CACNB2: variants seen among roughly 807,000 people sequenced by gnomAD.
CACNB2 encodes voltage-dependent L-type calcium channel subunit beta-2.
A neutral mutation model predicts 73.3 loss-of-function variants in CACNB2; 42 were observed. That is an observed-to-expected ratio of 0.57 (90% confidence interval 0.45 to 0.74). The LOEUF (loss-of-function observed/expected upper bound fraction) is 0.74, where lower values mean the gene tolerates loss of function less well. CACNB2 is among the 30% of genes least tolerant of loss of function. The pLI is 0.00. For missense variants in CACNB2, 940 were observed against 853.0 expected (o/e 1.10, Z -1.27); for synonymous variants, 348 against 310.3 (o/e 1.12, Z -1.28).
intron 2 of CACNB2, among the ~76,000 whole-genome samples, chr10:18,266,689 G>C (rs2037818165): frequency 2.0e-5 from 3 of 152,128 alleles, no homozygotes; most frequent in Non-Finnish European, 4.4e-5. Context: ...AGGAGTTCAG[G>C]ACCAGCCTGG....
At chr10:18,238,962 A>G (rs2036549421) in intron 2 of CACNB2, among the ~76,000 whole-genome samples, 1 of 152,186 alleles carries the variant, frequency 6.6e-6, no homozygotes. Context: ...TACAGAGGCG[A>G]TGTGAACCCT....
At chr10:18,449,434 G>A (rs2046909055) in intron 3 of CACNB2, among the ~76,000 whole-genome samples, 1 of 152,096 alleles carries the variant, frequency 6.6e-6, no homozygotes. Flanking sequence ...GAGAACTCCA[G>A]TTCTACCTCT....
At chr10:18,468,479 A>G (rs1422978304) in intron 3 of CACNB2, among the ~76,000 whole-genome samples, 1 of 152,166 alleles carries the variant, frequency 6.6e-6, no homozygotes, top group African/African-American at 2.4e-5. Flanking sequence ...TAAAAACAAA[A>G]CAAACAGACA....
chr10:18,145,585 G>A (rs2030881957), intron 1 of CACNB2, among the ~76,000 whole-genome samples: 1 of 151,970 alleles, frequency 6.6e-6, no homozygotes, highest in Admixed American at 6.5e-5. Flanking sequence ...CAATTTACCT[G>A]TTGCTGTATT....
At chr10:18,436,855 C>T (rs1006168489) in intron 3 of CACNB2, among the ~76,000 whole-genome samples, 2 of 152,092 alleles carry the variant, frequency 1.3e-5, no homozygotes, top group Non-Finnish European at 2.9e-5. Context: ...TAAGATGAGG[C>T]TTTTTTCCCC....
At chr10:18,163,231 A>T (rs2032602373) in intron 2 of CACNB2, among the ~76,000 whole-genome samples, 1 of 152,212 alleles carries the variant, frequency 6.6e-6, no homozygotes, top group East Asian at 1.9e-4. Context: ...ACTCAGTGAG[A>T]TGGATGATGT....
At chr10:18,350,100 C>T (rs888980808) in intron 2 of CACNB2, among the ~76,000 whole-genome samples, 1 of 151,948 alleles carries the variant, frequency 6.6e-6, no homozygotes, top group East Asian at 1.9e-4. Context: ...AAAAAATTAG[C>T]CAGGCATGGT....
intron 2 of CACNB2, among the ~76,000 whole-genome samples, chr10:18,168,010 G>A (rs1258515538): frequency 6.6e-6 from 1 of 152,152 alleles, no homozygotes; most frequent in Admixed American, 6.5e-5. Context: ...AGCCACTTAG[G>A]ATAGAAACCT....
chr10:18,260,693 G>A, intron 2 of CACNB2: 2 of 991,992 alleles, frequency 2.0e-6, no homozygotes, highest in Non-Finnish European at 2.4e-6. Flanking sequence ...AGAGGTAACA[G>A]TGAATCCAGG....
intron 2 of CACNB2, among the ~76,000 whole-genome samples, chr10:18,242,885 C>T (rs992852723): frequency 1.3e-5 from 2 of 150,694 alleles, no homozygotes; most frequent in African/African-American, 2.4e-5. Context: ...TGGTGGGCAC[C>T]TGTAGTCCCA....
At chr10:18,257,781 T>A (rs951801489) in intron 2 of CACNB2, among the ~76,000 whole-genome samples, 2 of 152,202 alleles carry the variant, frequency 1.3e-5, no homozygotes, top group Non-Finnish European at 2.9e-5. Flanking sequence ...TTTCCGTCTG[T>A]CACCCAGGCT....
intron 2 of CACNB2, among the ~76,000 whole-genome samples, chr10:18,341,762 C>G (rs2041242806): frequency 6.6e-6 from 1 of 152,058 alleles, no homozygotes; most frequent in African/African-American, 2.4e-5. Flanking sequence ...CCAACCTATA[C>G]TAAATTTAGT....
intron 2 of CACNB2, among the ~76,000 whole-genome samples, chr10:18,277,167 G>T (rs147438846): frequency 2.6e-4 from 39 of 152,288 alleles, no homozygotes; most frequent in African/African-American, 9.1e-4. Context: ...TCTGAGTAAA[G>T]AATCCCGTGA....
intron 2 of CACNB2, among the ~76,000 whole-genome samples, chr10:18,294,684 A>C (rs960369137): frequency 6.6e-6 from 1 of 152,240 alleles, no homozygotes; most frequent in Non-Finnish European, 1.5e-5. Flanking sequence ...GTGGGACTCA[A>C]GCATTCCCTG....
chr10:18,413,381 C>T (rs1310435763), intron 3 of CACNB2, among the ~76,000 whole-genome samples: 1 of 152,194 alleles, frequency 6.6e-6, no homozygotes, highest in Non-Finnish European at 1.5e-5. Context: ...TTCTCTCATA[C>T]TTCTCCAGGC....
At chr10:18,502,412 C>T (rs991905537) in intron 5 of CACNB2, among the ~76,000 whole-genome samples, 15 of 151,386 alleles carry the variant, frequency 9.9e-5, no homozygotes, top group Admixed American at 7.9e-4. Flanking sequence ...ATACGGGGGC[C>T]ACGTGCGGTG....
chr10:18,221,305 C>T (rs529406039), intron 2 of CACNB2, among the ~76,000 whole-genome samples: 3 of 152,170 alleles, frequency 2.0e-5, no homozygotes, highest in African/African-American at 7.2e-5. Flanking sequence ...TTGACTGTTA[C>T]TCATACAAAC....
intron 2 of CACNB2, among the ~76,000 whole-genome samples, chr10:18,333,197 T>C (rs893178709): frequency 1.3e-5 from 2 of 152,186 alleles, no homozygotes; most frequent in African/African-American, 4.8e-5. Flanking sequence ...CGTAATATGC[T>C]TGAATTCAAC....
intron 2 of CACNB2, among the ~76,000 whole-genome samples, chr10:18,339,203 C>T (rs568916214): frequency 2.6e-5 from 4 of 152,208 alleles, no homozygotes; most frequent in African/African-American, 9.6e-5. Context: ...TGCTAAATAT[C>T]TAATGTGACT....
Sources: allele counts gnomAD v4.1 joint callset (sites outside exome capture counted in the v4.1 genomes callset), GRCh38; gene constraint gnomAD v4.1.1; transcripts MANE v1.5; gene names NCBI Gene and HGNC (gene_info 2026-07-23, HGNC 2026-07-21).